UPF3B: variants seen among roughly 807,000 people sequenced by gnomAD.
UPF3B encodes UPF3B regulator of nonsense mediated mRNA decay.
In UPF3B, 7 loss-of-function variants were observed where a neutral mutation model predicts 40.3. The ratio of observed to expected loss-of-function variants is 0.17; its 90% CI spans 0.10 to 0.33. The LOEUF (loss-of-function observed/expected upper bound fraction) is 0.33. UPF3B is among the 10% of genes least tolerant of loss of function. The pLI is 1.00. For missense variants in UPF3B, 229 were observed against 358.9 expected (o/e 0.64, Z 2.93); for synonymous variants, 117 against 117.3 (o/e 1.00, Z 0.01).
At chrX:119,823,017 A>C (rs2055938958) in exon 4 of UPF3B, 2 of 872,723 alleles carry the variant, frequency 2.3e-6, no homozygotes, top group Non-Finnish European at 2.8e-6. Context: ...GAGCTCCTCG[A>C]TGGTAACACT....
intron 5 of UPF3B, among the ~76,000 whole-genome samples, chrX:119,815,018 A>G (rs2055853122): frequency 9.2e-6 from 1 of 109,146 alleles, no homozygotes; most frequent in Admixed American, 1.0e-4. Context: ...GGCACCTGGC[A>G]CCACGCCTGG....
At chrX:119,818,172 G>A (rs995217921) in intron 4 of UPF3B, among the ~76,000 whole-genome samples, 1 of 111,602 alleles carries the variant, frequency 9.0e-6, no homozygotes, top group Non-Finnish European at 1.9e-5. Context: ...GGCCGAGGCA[G>A]GAGAATCGCT....
chrX:119,844,585 G>A (rs1451374897), intron 4 of UPF3B, among the ~76,000 whole-genome samples: 1 of 110,402 alleles, frequency 9.1e-6, no homozygotes, highest in African/African-American at 3.3e-5. Context: ...TTTGAAACCT[G>A]ATTTTTTTCC....
intron 4 of UPF3B, among the ~76,000 whole-genome samples, chrX:119,844,271 G>A (rs1167869878): frequency 1.8e-5 from 2 of 110,763 alleles, no homozygotes; most frequent in Non-Finnish European, 3.8e-5. Flanking sequence ...GGCTGGTCTC[G>A]AACTCCTGAC....
Position 119,845,572 on chromosome X carries a change from C to T in UPF3B, c.371-276G>A, listed in dbSNP as rs73609962. ...GTGATATTTTAATGTGAAAAAGACC[C>T]TACAAACTATTTTTCATTTTAAAAT... On this transcript the variant is annotated intron_variant, in intron 3 of 10. Transcript: ENST00000276201. Among the ~76,000 whole-genome samples the T allele has an allele frequency of 0.045, 4,983 of 111,814 alleles. 273 individuals carry two copies. The highest frequency in any genetic ancestry group is 0.15 in the African/African-American group (4,530 of 30,725).
At chrX:119,823,010 C>T (rs1295284154) in exon 4 of UPF3B, 3 of 878,472 alleles carry the variant, frequency 3.4e-6, no homozygotes, top group African/African-American at 4.3e-5. Context: ...CGGCCTCGAG[C>T]TCCTCGATGG....
At chrX:119,835,157 C>T (rs902541040) in intron 10 of UPF3B, 130 bp from the exon 11 acceptor site, 16 of 720,162 alleles carry the variant, frequency 2.2e-5, no homozygotes, top group South Asian at 1.2e-4. Flanking sequence ...TGTGAGGGCA[C>T]GGTAAATGAC....
At chrX:119,843,383 AAAG>A (rs2056190511) in intron 4 of UPF3B, 82 bp from the exon 5 acceptor site, 1 of 690,830 alleles carries the variant, frequency 1.4e-6, no homozygotes, top group Non-Finnish European at 2.2e-6. Context: ...CTGATTTATC[AAAG>A]AAGATAATTT....
chrX:119,844,436 A>G (rs1203386121), intron 4 of UPF3B, among the ~76,000 whole-genome samples: 2 of 111,653 alleles, frequency 1.8e-5, no homozygotes, highest in African/African-American at 6.5e-5. Context: ...TGACAACTTC[A>G]GCTACTTTAT....
Position 119,823,556 on chromosome X carries a change from CTCTTTTTTTTT to C in UPF3B, c.393-524_393-514del, listed in dbSNP as rs1298425263. 3.8e-4 allele frequency among the ~76,000 whole-genome samples: 16 copies of C among 42,090 alleles called. No individual in the cohort carries two copies. The African/African-American group carries it at 5.4e-3, about 14-fold the overall frequency. The allele number at this position is 42,090 out of a possible 115,157, so 36.6% of individuals were successfully genotyped here. A position where few individuals can be genotyped will look rare whatever the true frequency, so the allele number is the denominator to read the frequency against. On this transcript the variant is annotated intron_variant, in intron 3 of 6. Transcript: ENST00000636792. ...CTGGCCCATTTCTTTTCTTTTTTTC[CTCTTTTTTTTT>C]TTTTTTTTTTGTCTGAGACAGAGTC... is the stretch of plus-strand genomic sequence containing the variant.
Position 119,845,183 on chromosome X carries a change from A to C in UPF3B, c.469+15T>G. 3.4e-6 allele frequency: 4 copies of C among 1,159,854 alleles called. No individual in the cohort carries two copies. Among genetic ancestry groups the C allele is most frequent in the Non-Finnish European group, 4.7e-6 (4 of 849,143 alleles). On this transcript the variant is annotated intron_variant, in intron 4 of 10. Transcript: ENST00000276201. Reference sequence around the variant, plus strand: ...CCCACAGCAATAGCATTATATAATTAGAGCTATACTGTACCATCATCGATA... The same window carrying C: ...CCCACAGCAATAGCATTATATAATTCGAGCTATACTGTACCATCATCGATA...
At chrX:119,844,504 A>T (rs2056203595) in intron 4 of UPF3B, among the ~76,000 whole-genome samples, 1 of 112,103 alleles carries the variant, frequency 8.9e-6, no homozygotes, top group East Asian at 2.8e-4. Context: ...CTTCTTTATA[A>T]ATATAATGGA....
At chrX:119,827,721 T>C (rs897023704) in intron 3 of UPF3B, among the ~76,000 whole-genome samples, 1 of 108,436 alleles carries the variant, frequency 9.2e-6, no homozygotes, top group Non-Finnish European at 1.9e-5. Flanking sequence ...CACACACTCT[T>C]GGGTTTTTTT....
At chrX:119,827,724 G>GT (rs199920050) in intron 3 of UPF3B, among the ~76,000 whole-genome samples, 4,310 of 109,201 alleles carry the variant, frequency 0.039, 188 homozygotes, top group African/African-American at 0.13. Flanking sequence ...ACACTCTTGG[G>GT]TTTTTTTTCC....
intron 4 of UPF3B, among the ~76,000 whole-genome samples, chrX:119,817,584 G>A (rs2147758660): frequency 8.9e-6 from 1 of 111,983 alleles, no homozygotes; most frequent in East Asian, 2.8e-4. Context: ...CATATGAGAA[G>A]TCTTCAAAAA....
At chrX:119,809,416 A>G (rs898212502) in intron 5 of UPF3B, among the ~76,000 whole-genome samples, 3 of 112,282 alleles carry the variant, frequency 2.7e-5, no homozygotes, top group Non-Finnish European at 3.8e-5. Flanking sequence ...GAAACTGTGC[A>G]TGGATTGCAA....
chrX:119,828,037 T>G (rs1227136352), intron 3 of UPF3B, among the ~76,000 whole-genome samples: 3 of 107,865 alleles, frequency 2.8e-5, no homozygotes, highest in African/African-American at 1.0e-4. Context: ...CCCGACCTTT[T>G]TTTTTTTTCT....
chrX:119,843,737 A>AT (rs2056193896), intron 4 of UPF3B, among the ~76,000 whole-genome samples: 1 of 112,364 alleles, frequency 8.9e-6, no homozygotes, highest in Non-Finnish European at 1.9e-5. Context: ...CTAAGCCATT[A>AT]TATTGCTTGT....
intron 5 of UPF3B, among the ~76,000 whole-genome samples, chrX:119,842,724 C>T (rs564669273): frequency 7.2e-5 from 8 of 110,622 alleles, no homozygotes; most frequent in African/African-American, 2.6e-4. Flanking sequence ...AGTAGAAATC[C>T]TGGGTCAAAG....
Sources: allele counts gnomAD v4.1 joint callset (sites outside exome capture counted in the v4.1 genomes callset), GRCh38; gene constraint gnomAD v4.1.1; transcripts MANE v1.5; gene names NCBI Gene and HGNC (gene_info 2026-07-23, HGNC 2026-07-21).